The following GALNT13 variants were observed in gnomAD, a reference collection of about 807,000 sequenced individuals.
GALNT13 encodes polypeptide N-acetylgalactosaminyltransferase 13.
GALNT13 carries 28 observed loss-of-function variants against 64.2 expected under a neutral mutation model. The ratio of observed to expected loss-of-function variants is 0.44; its 90% CI spans 0.32 to 0.60. GALNT13 has a LOEUF of 0.60. Among genes scored for constraint, GALNT13 ranks in the 20% least tolerant of loss-of-function variants. The pLI, the probability that GALNT13 is intolerant of heterozygous loss-of-function variation, is 0.05. For missense variants in GALNT13, 577 were observed against 669.8 expected (o/e 0.86, Z 1.53); for synonymous variants, 214 against 224.6 (o/e 0.95, Z 0.42).
intron 3 of GALNT13, among the ~76,000 whole-genome samples, chr2:154,004,463 C>T (rs1696120482): frequency 6.6e-6 from 1 of 152,270 alleles, no homozygotes; most frequent in South Asian, 2.1e-4. Context: ...TTCGGCCTCC[C>T]AAAGTGCTGG....
At chr2:154,064,914 C>T (rs954459752) in intron 3 of GALNT13, among the ~76,000 whole-genome samples, 12 of 152,202 alleles carry the variant, frequency 7.9e-5, no homozygotes, top group African/African-American at 2.9e-4. Flanking sequence ...TGGGGTGAAA[C>T]ACCAATCAGG....
the GALNT13 span, among the ~76,000 whole-genome samples, chr2:153,210,701 G>C: frequency 1.3e-5 from 2 of 152,160 alleles, no homozygotes; most frequent in African/African-American, 2.4e-5. Context: ...ATTTTCAAAG[G>C]TTGTGTCTAC....
At chr2:154,438,372 ACTGAGGC>A (rs1181063307) in intron 11 of GALNT13, among the ~76,000 whole-genome samples, 22 of 152,158 alleles carry the variant, frequency 1.4e-4, no homozygotes, top group Non-Finnish European at 1.0e-4. Context: ...GTTTTGTTAA[ACTGAGGC>A]CTCACCAAAA....
intron 9 of GALNT13, among the ~76,000 whole-genome samples, chr2:154,346,695 A>G (rs1231809593): frequency 6.6e-6 from 1 of 152,054 alleles, no homozygotes; most frequent in Middle Eastern, 3.2e-3. Context: ...CCAGTCTCAG[A>G]TATGTCTTTA....
the GALNT13 span, among the ~76,000 whole-genome samples, chr2:153,303,998 C>G: frequency 1.3e-5 from 2 of 151,650 alleles, no homozygotes; most frequent in Non-Finnish European, 2.9e-5. Flanking sequence ...CCTGCCAGGT[C>G]CAACATAAGA....
At chr2:153,589,301 C>T in the GALNT13 span, among the ~76,000 whole-genome samples, 1 of 152,194 alleles carries the variant, frequency 6.6e-6, no homozygotes, top group African/African-American at 2.4e-5. Context: ...AGTTCTTCCT[C>T]TCCATCTGAG....
chr2:153,632,909 C>T, the GALNT13 span, among the ~76,000 whole-genome samples: 4,757 of 151,978 alleles, frequency 0.031, 115 homozygotes, highest in Non-Finnish European at 0.051. Context: ...CACACCAATA[C>T]GCCCAGCTAA....
chr2:153,165,174 G>T, the GALNT13 span, among the ~76,000 whole-genome samples: 1 of 152,216 alleles, frequency 6.6e-6, no homozygotes, highest in Admixed American at 6.5e-5. Context: ...ATTGTCATTG[G>T]TGTTGGCAAT....
At chr2:153,877,336 A>G (rs985507222) in intron 1 of GALNT13, among the ~76,000 whole-genome samples, 4 of 152,154 alleles carry the variant, frequency 2.6e-5, no homozygotes, top group African/African-American at 9.6e-5. Flanking sequence ...AATCTTATTT[A>G]AGCTCTTATA....
intron 9 of GALNT13, among the ~76,000 whole-genome samples, chr2:154,389,534 G>A (rs940868502): frequency 1.3e-5 from 2 of 152,170 alleles, no homozygotes; most frequent in Non-Finnish European, 2.9e-5. Flanking sequence ...ATGCATTAGG[G>A]TATTCTTTCT....
the GALNT13 span, among the ~76,000 whole-genome samples, chr2:153,646,959 A>G: frequency 1.3e-5 from 2 of 152,184 alleles, no homozygotes; most frequent in Non-Finnish European, 1.5e-5. Flanking sequence ...CATGATTTAT[A>G]TTCCTTTGGG....
chr2:153,569,938 A>G, the GALNT13 span, among the ~76,000 whole-genome samples: 1 of 152,182 alleles, frequency 6.6e-6, no homozygotes, highest in African/African-American at 2.4e-5. Flanking sequence ...AAGTGAGAAC[A>G]CACGATGTTT....
chr2:153,538,477 G>C, the GALNT13 span, among the ~76,000 whole-genome samples: 1 of 120,136 alleles, frequency 8.3e-6, no homozygotes, highest in African/African-American at 3.3e-5. Context: ...TGCCATGCTG[G>C]TGCGCTGCAC....
chr2:153,677,507 A>G, the GALNT13 span, among the ~76,000 whole-genome samples: 2 of 152,100 alleles, frequency 1.3e-5, no homozygotes, highest in Non-Finnish European at 2.9e-5. Context: ...ATTCAGTGCT[A>G]TTCCTATAAA....
At chr2:153,468,440 C>G in the GALNT13 span, among the ~76,000 whole-genome samples, 2 of 152,046 alleles carry the variant, frequency 1.3e-5, no homozygotes, top group African/African-American at 4.8e-5. Context: ...ACTACTGAGG[C>G]ACACCATCTC....
chr2:154,401,168 A>G (rs565906165), intron 10 of GALNT13, among the ~76,000 whole-genome samples: 157 of 152,236 alleles, frequency 1.0e-3, no homozygotes, highest in African/African-American at 3.5e-3. Context: ...CTATATTGGT[A>G]TTGTATGCCT....
At chr2:153,147,084 G>A in the GALNT13 span, among the ~76,000 whole-genome samples, 6 of 151,796 alleles carry the variant, frequency 4.0e-5, no homozygotes, top group Non-Finnish European at 5.9e-5. Flanking sequence ...GAGGAACTGA[G>A]TTTCGCGGAG....
At chr2:153,616,459 TG>T in the GALNT13 span, among the ~76,000 whole-genome samples, 2 of 152,184 alleles carry the variant, frequency 1.3e-5, no homozygotes, top group South Asian at 2.1e-4. Flanking sequence ...TCTATTTCTG[TG>T]AAGAATGTCA....
At chr2:153,951,386 G>A (rs1419725298) in intron 3 of GALNT13, among the ~76,000 whole-genome samples, 1 of 152,162 alleles carries the variant, frequency 6.6e-6, no homozygotes. Flanking sequence ...TTTCCAGGAG[G>A]TCTGGGTAGG....
Sources: gnomAD v4.1 joint callset for allele counts (sites outside exome capture counted in the v4.1 genomes callset) on GRCh38, gnomAD v4.1.1 for gene constraint, MANE v1.5 for transcripts, NCBI Gene and HGNC (gene_info 2026-07-23, HGNC 2026-07-21) for gene names.